The following AFG2B variants were observed in gnomAD, a reference collection of about 807,000 sequenced individuals.
The protein encoded by AFG2B is AAA ATPase AFG2B, also known as ATPase family gene 2 protein homolog B.
the AFG2B span, chr15:45,415,787 C>T: frequency 6.2e-7 from 1 of 1,611,676 alleles, no homozygotes; most frequent in Non-Finnish European, 8.5e-7. Context: ...AGGGTAAATA[C>T]AAGGAGCTGA....
At chr15:45,404,779 G>T in the AFG2B span, among the ~76,000 whole-genome samples, 1 of 136,610 alleles carries the variant, frequency 7.3e-6, no homozygotes, top group Non-Finnish European at 1.5e-5. Context: ...CTGCACTCCA[G>T]ACTGGGCAGC....
the AFG2B span, chr15:45,402,424 T>C: frequency 6.2e-7 from 1 of 1,600,082 alleles, no homozygotes; most frequent in Non-Finnish European, 8.5e-7. Flanking sequence ...GGTTCATCTG[T>C]GTGCGATGGC....
At chr15:45,420,918 G>A in the AFG2B span, 2 of 909,656 alleles carry the variant, frequency 2.2e-6, no homozygotes, top group Non-Finnish European at 3.2e-6. Context: ...CTTGAAACCA[G>A]AAGACGGAGG....
At chr15:45,420,433 C>T in the AFG2B span, among the ~76,000 whole-genome samples, 5 of 152,278 alleles carry the variant, frequency 3.3e-5, 1 homozygote, top group African/African-American at 9.6e-5. Context: ...CCCTACTTAA[C>T]GATCAGGAAG....
the AFG2B span, chr15:45,410,636 A>G: frequency 3.0e-6 from 3 of 1,015,796 alleles, no homozygotes; most frequent in African/African-American, 1.6e-5. Context: ...CCTATCACTA[A>G]TGTGATCCTA....
At chr15:45,421,212 A>G in the AFG2B span, 1 of 1,593,668 alleles carries the variant, frequency 6.3e-7, no homozygotes, top group Non-Finnish European at 8.5e-7. Flanking sequence ...GGTATTTAAA[A>G]ATCACCTTAA....
the AFG2B span, chr15:45,403,533 CG>C: frequency 1.3e-6 from 2 of 1,596,334 alleles, no homozygotes; most frequent in Non-Finnish European, 1.7e-6. Flanking sequence ...ATGGGCTTGG[CG>C]GGTTTGCCCA....
At chr15:45,421,182 A>T in the AFG2B span, 1 of 1,607,908 alleles carries the variant, frequency 6.2e-7, no homozygotes, top group South Asian at 1.1e-5. Context: ...TTTAAGAAAG[A>T]AGGATTTTCT....
chr15:45,415,697 A>AGTT, the AFG2B span: 1 of 1,614,078 alleles, frequency 6.2e-7, no homozygotes, highest in Non-Finnish European at 8.5e-7. Flanking sequence ...TTCAAGAACG[A>AGTT]GTTCTTTCTG....
At chr15:45,403,782 G>T in the AFG2B span, among the ~76,000 whole-genome samples, 1 of 152,200 alleles carries the variant, frequency 6.6e-6, no homozygotes, top group Non-Finnish European at 1.5e-5. Flanking sequence ...ATTGTTTTGG[G>T]AAGCGAGGTG....
the AFG2B span, chr15:45,402,367 C>T: frequency 4.3e-5 from 66 of 1,550,890 alleles, no homozygotes; most frequent in East Asian, 1.2e-3. Context: ...CTCGGTGTTC[C>T]GCTTTTTGTG....
chr15:45,410,461 A>C, the AFG2B span: 2 of 1,613,600 alleles, frequency 1.2e-6, no homozygotes, highest in Non-Finnish European at 1.7e-6. Flanking sequence ...TCATTGGATT[A>C]ATGGATATCA....
the AFG2B span, among the ~76,000 whole-genome samples, chr15:45,420,643 A>G: frequency 6.6e-6 from 1 of 152,098 alleles, no homozygotes; most frequent in Admixed American, 6.6e-5. Flanking sequence ...GAATCCTATG[A>G]AGTGAGGCTG....
the AFG2B span, chr15:45,420,915 C>A: frequency 1.1e-6 from 1 of 884,808 alleles, no homozygotes; most frequent in Non-Finnish European, 1.6e-6. Flanking sequence ...TTGCTTGAAA[C>A]CAGAAGACGG....
the AFG2B span, among the ~76,000 whole-genome samples, chr15:45,419,007 T>C: frequency 6.6e-6 from 1 of 152,250 alleles, no homozygotes; most frequent in African/African-American, 2.4e-5. Context: ...ATGTATAAAC[T>C]GAAATTGGAA....
At chr15:45,420,998 A>G in the AFG2B span, 1 of 1,586,294 alleles carries the variant, frequency 6.3e-7, no homozygotes, top group Non-Finnish European at 8.6e-7. Context: ...ATCTCAAAGA[A>G]AAAAAAGCAA....
chr15:45,410,894 TA>T, the AFG2B span, among the ~76,000 whole-genome samples: 1 of 150,898 alleles, frequency 6.6e-6, no homozygotes, highest in African/African-American at 2.4e-5. Context: ...TGTCGCTATT[TA>T]AAAAAAAATA....
the AFG2B span, chr15:45,402,817 G>A: frequency 3.1e-6 from 5 of 1,596,816 alleles, no homozygotes; most frequent in Non-Finnish European, 1.7e-6. Context: ...GAATACAGCC[G>A]CGGTGCTGGA....
the AFG2B span, chr15:45,403,496 G>A: frequency 6.2e-7 from 1 of 1,605,336 alleles, no homozygotes; most frequent in Non-Finnish European, 8.5e-7. Context: ...GCGCTGCGTA[G>A]GCCCGGGAGA....
Sources: allele counts gnomAD v4.1 joint callset (sites outside exome capture counted in the v4.1 genomes callset), GRCh38; gene constraint gnomAD v4.1.1; transcripts MANE v1.5; gene names NCBI Gene and HGNC (gene_info 2026-07-23, HGNC 2026-07-21).